TMEM131L: variants seen among roughly 807,000 people sequenced by gnomAD.
The protein encoded by TMEM131L is transmembrane protein 131-like.
Under a neutral mutation model 192.2 loss-of-function variants are expected in TMEM131L, and 54 were observed. That is an observed-to-expected ratio of 0.28 (90% confidence interval 0.23 to 0.35). The LOEUF (loss-of-function observed/expected upper bound fraction) is 0.35. Among genes scored for constraint, TMEM131L ranks in the 10% least tolerant of loss-of-function variants. The probability of loss-of-function intolerance (pLI) is 1.00; values close to 1 mark genes in which losing one functional copy is unlikely to be tolerated. For synonymous variants in TMEM131L, 701 were observed against 704.9 expected (o/e 0.99, Z 0.09); for missense variants, 1,888 against 1,972.9 (o/e 0.96, Z 0.82).
At chr4:153,591,711 C>T (rs1336980571) in intron 17 of TMEM131L, among the ~76,000 whole-genome samples, 1 of 152,176 alleles carries the variant, frequency 6.6e-6, no homozygotes, top group Non-Finnish European at 1.5e-5. Flanking sequence ...CTCTATACCA[C>T]ACGTGACATG....
intron 18 of TMEM131L, among the ~76,000 whole-genome samples, 162 bp from the exon 19 acceptor site, chr4:153,593,637 T>G (rs1731223120): frequency 6.6e-6 from 1 of 151,220 alleles, no homozygotes. Flanking sequence ...GGTGGGAATG[T>G]GGGGTGGAAT....
chr4:153,628,343 C>G (rs190614949), intron 31 of TMEM131L, among the ~76,000 whole-genome samples: 47 of 152,318 alleles, frequency 3.1e-4, no homozygotes, highest in Admixed American at 2.7e-3. Flanking sequence ...CTTCTCTTTT[C>G]CTCCTCTTCT....
rs1319003974 is a variant in TMEM131L, at chr4:153,569,930, A to ATG, written c.661-10895_661-10894dup. On this transcript the variant is annotated intron_variant, in intron 7 of 34. Transcript: ENST00000409959. ...CAACGGGACATGAAAGTTCAAGGCT[A>ATG]TGGTAGTGTATCCAGTTATCTTGGC... Among the ~76,000 whole-genome samples, 9 of 152,364 alleles carry ATG rather than the reference A, an allele frequency of 5.9e-5. No homozygotes were observed. In the East Asian group the frequency reaches 9.6e-4, roughly 16 times the overall value.
At chr4:153,479,302 A>G (rs962454470) in intron 3 of TMEM131L, among the ~76,000 whole-genome samples, 1 of 152,238 alleles carries the variant, frequency 6.6e-6, no homozygotes, top group African/African-American at 2.4e-5. Flanking sequence ...CCAAAAAAGC[A>G]ATATTTGAGA....
chr4:153,581,448 G>C lies in TMEM131L; in HGVS notation c.780G>C (p.Met260Ile). 6.3e-7 allele frequency: 1 copy of C among 1,586,934 alleles called. No individual in the cohort carries two copies. Among genetic ancestry groups the C allele is most frequent in the Non-Finnish European group, 8.6e-7 (1 of 1,164,810 alleles). The part of the protein sequence containing the change: ...LESDDVLRLQ[M>I]SIMVTMENFS... The stretch of plus-strand genomic sequence containing the variant: ...CTGATGATGTTTTGCGTCTACAAAT[G>C]AGCATAATGGTAACAATGGAAAACT... Residue 260 changes from methionine (M) to isoleucine (I), a missense_variant, in exon 9 of 35, where the codon ATG becomes ATC. Coordinates refer to ENST00000409959, the MANE Select transcript of TMEM131L (RefSeq NM_001131007.2).
At chr4:153,518,442 A>G (rs1003541749) in intron 3 of TMEM131L, among the ~76,000 whole-genome samples, 3 of 152,232 alleles carry the variant, frequency 2.0e-5, no homozygotes, top group Admixed American at 2.0e-4. Flanking sequence ...TGAAAATAAG[A>G]TGCAGACATC....
In TMEM131L at chr4:153,555,433, G is replaced by C. The variant is rs891648536; in HGVS notation, c.309-354G>C. On this transcript the variant is annotated intron_variant, in intron 4 of 34. Coordinates refer to ENST00000409959, the MANE Select transcript of TMEM131L (RefSeq NM_001131007.2). This position sits in a 1 kb window ranked among gnomAD's most constrained non-coding sequence, Gnocchi z 4.1. ...TATTCAACATATTTTCATTGAATTA[G>C]AGACCCAGGTCCGAGAAGTGCCAGT... 9.9e-5 allele frequency among the ~76,000 whole-genome samples: 15 copies of C among 152,018 alleles called. No homozygotes were observed. The highest frequency in any genetic ancestry group is 3.4e-4 in the African/African-American group (14 of 41,382).
chr4:153,492,873 G>A (rs1259381485), intron 3 of TMEM131L, among the ~76,000 whole-genome samples: 1 of 152,124 alleles, frequency 6.6e-6, no homozygotes, highest in Non-Finnish European at 1.5e-5. Flanking sequence ...GGAGTTGAGT[G>A]GATAAGAGCA....
intron 3 of TMEM131L, among the ~76,000 whole-genome samples, chr4:153,531,477 A>G (rs1390487420): frequency 1.3e-5 from 2 of 152,244 alleles, no homozygotes; most frequent in Admixed American, 1.3e-4. Context: ...TGAACTCTAC[A>G]GGATTTCCCT....
At chr4:153,478,228 T>C (rs190125380) in intron 3 of TMEM131L, among the ~76,000 whole-genome samples, 1 of 152,322 alleles carries the variant, frequency 6.6e-6, no homozygotes, top group African/African-American at 2.4e-5. Context: ...TTTGTGTCCA[T>C]TTTTTGAAAA....
intron 3 of TMEM131L, among the ~76,000 whole-genome samples, chr4:153,509,165 T>G (rs1580101572): frequency 6.6e-6 from 1 of 150,990 alleles, no homozygotes; most frequent in Admixed American, 6.6e-5. Flanking sequence ...GGCAACATGG[T>G]GAAACCCTGT....
At chr4:153,577,990 G>T (rs921804021) in intron 7 of TMEM131L, among the ~76,000 whole-genome samples, 4 of 152,106 alleles carry the variant, frequency 2.6e-5, no homozygotes, top group African/African-American at 9.7e-5. Flanking sequence ...GAGTGAAGAG[G>T]GCATAGGCAG....
intron 30 of TMEM131L, 69 bp from the exon 31 acceptor site, chr4:153,627,536 G>T (rs1733933683): frequency 4.2e-6 from 5 of 1,198,572 alleles, no homozygotes; most frequent in Middle Eastern, 1.9e-4. Flanking sequence ...ATCAGACGTG[G>T]TTATACAATA....
intron 3 of TMEM131L, among the ~76,000 whole-genome samples, chr4:153,541,629 C>G (rs548636774): frequency 3.3e-5 from 5 of 152,290 alleles, no homozygotes; most frequent in Non-Finnish European, 7.3e-5. Context: ...TCAGCAGAGT[C>G]TAGGCCACAG....
Position 153,583,752 on chromosome 4 carries a change from T to G in TMEM131L, c.1060+80T>G, listed in dbSNP as rs1730521473. The G allele has an allele frequency of 6.2e-6, 5 of 808,342 alleles. No individual in the cohort carries two copies. In the South Asian group the frequency reaches 8.1e-5, roughly 13 times the overall value. 50.1% of individuals were successfully genotyped at this position (808,342 alleles called of 1,614,324 possible). A position where few individuals can be genotyped will look rare whatever the true frequency, so the allele number is the denominator to read the frequency against. ...GGCAACTCTTTCTACAACTACAGAT[T>G]AGGCATGGTTTCAAAAAAGTGAAGG... On this transcript the variant is annotated intron_variant, in intron 11 of 34. Coordinates refer to ENST00000409959, the MANE Select transcript of TMEM131L (RefSeq NM_001131007.2).
intron 26 of TMEM131L, among the ~76,000 whole-genome samples, chr4:153,614,641 T>G (rs1190285976): frequency 6.6e-6 from 1 of 152,208 alleles, no homozygotes; most frequent in African/African-American, 2.4e-5. Context: ...TCAGGATGCC[T>G]GTTACGTAGA....
chr4:153,581,412 T>C lies in TMEM131L; in HGVS notation c.744T>C (p.Cys248=), dbSNP rs757262504. 2 of 1,559,090 alleles carry C rather than the reference T, an allele frequency of 1.3e-6. No homozygotes were observed. Among genetic ancestry groups the C allele is most frequent in the East Asian group, 4.6e-5 (2 of 43,400 alleles). Residue 248 remains cysteine, a synonymous_variant, in exon 9 of 35, where the codon TGT becomes TGC. Transcript: ENST00000409959. ...CCTCCTCCTTCCAACCATAGGGTTG[T>C]TATCTGGAATCTGATGATGTTTTGC... ...HNKVCQQLKG[C]YLESDDVLRL...
rs1216119441 is a variant in TMEM131L at position 153,582,420 on chromosome 4, G to GTTTT, written c.893-764_893-761dup. 1.5e-4 allele frequency among the ~76,000 whole-genome samples: 12 copies of GTTTT among 81,818 alleles called. 2 individuals carry two copies. Among genetic ancestry groups the GTTTT allele is most frequent in the African/African-American group, 5.5e-4 (10 of 18,252 alleles). 53.7% of individuals were successfully genotyped at this position (81,818 alleles called of 152,430 possible). ...CCACTATGCCTGGCTAATTTAAACC[G>GTTTT]TTTTTTTTTGTTGTTTTTTTTTTTT... On this transcript the variant is annotated intron_variant, in intron 9 of 34. Transcript: ENST00000409959.
intron 29 of TMEM131L, among the ~76,000 whole-genome samples, chr4:153,625,597 A>G (rs924177287): frequency 6.6e-6 from 1 of 152,158 alleles, no homozygotes; most frequent in Non-Finnish European, 1.5e-5. Flanking sequence ...ACAAAAGACA[A>G]TGTATATGTG....
Sources: gnomAD v4.1 joint callset for allele counts (sites outside exome capture counted in the v4.1 genomes callset) on GRCh38, gnomAD v4.1.1 for gene constraint, Gnocchi (gnomAD v3.1) non-coding constraint, MANE v1.5 for transcripts, NCBI Gene and HGNC (gene_info 2026-07-23, HGNC 2026-07-21) for gene names.